Variants in KLHL2 observed in about 807,000 individuals in gnomAD.
KLHL2 encodes kelch-like protein 2.
A neutral mutation model predicts 75.8 loss-of-function variants in KLHL2; 15 were observed. The observed-to-expected ratio is 0.20, with a 90% CI of 0.13 to 0.30. The LOEUF (loss-of-function observed/expected upper bound fraction) is 0.30, where lower values mean the gene tolerates loss of function less well. KLHL2 is among the 10% of genes least tolerant of loss of function. The probability of loss-of-function intolerance (pLI) is 1.00; values close to 1 mark genes in which losing one functional copy is unlikely to be tolerated. For synonymous variants in KLHL2, 214 were observed against 251.9 expected, an observed-to-expected ratio of 0.85 and a Z score of 1.42; for missense variants, 381 against 741.0, an observed-to-expected ratio of 0.51 and a Z score of 5.64.
intron 8 of KLHL2, among the ~76,000 whole-genome samples, chr4:165,300,231 T>A (rs182516733): frequency 1.0e-3 from 154 of 150,528 alleles, no homozygotes; most frequent in African/African-American, 3.6e-3. Context: ...GAGGTTGCAG[T>A]GAGCTGAGTG....
chr4:165,247,501 A>G (rs1232606599), intron 4 of KLHL2, among the ~76,000 whole-genome samples: 3 of 152,158 alleles, frequency 2.0e-5, no homozygotes, highest in South Asian at 2.1e-4. Flanking sequence ...TAGAAAAGCG[A>G]AAGTTGATGT....
chr4:165,224,039 C>G (rs138811447), intron 2 of KLHL2: 1 of 353,460 alleles, frequency 2.8e-6, no homozygotes, highest in Admixed American at 3.6e-5. Flanking sequence ...CTCAGCCTCC[C>G]GAGTAGCTGG....
intron 4 of KLHL2, among the ~76,000 whole-genome samples, chr4:165,256,731 A>G (rs1244305059): frequency 1.3e-5 from 2 of 152,252 alleles, no homozygotes; most frequent in Non-Finnish European, 2.9e-5. Context: ...CACTTAACAA[A>G]TACATAAAAT....
At chr4:165,316,387 C>CT (rs1170014628) in intron 13 of KLHL2, among the ~76,000 whole-genome samples, 1 of 152,140 alleles carries the variant, frequency 6.6e-6, no homozygotes. Context: ...ACACATGTAA[C>CT]TACTGTGTGG....
At chr4:165,267,853 T>C (rs533903862) in intron 5 of KLHL2, among the ~76,000 whole-genome samples, 1 of 152,330 alleles carries the variant, frequency 6.6e-6, no homozygotes, top group South Asian at 2.1e-4. Flanking sequence ...ATTCCCTCTT[T>C]TTATATTGAT....
intron 9 of KLHL2, among the ~76,000 whole-genome samples, chr4:165,306,087 G>T (rs1292257984): frequency 6.6e-6 from 1 of 152,168 alleles, no homozygotes; most frequent in Non-Finnish European, 1.5e-5. Flanking sequence ...CAGTTATAAG[G>T]CATAATTGCC....
At chr4:165,315,403 G>A (rs576265034) in intron 13 of KLHL2, among the ~76,000 whole-genome samples, 8 of 152,130 alleles carry the variant, frequency 5.3e-5, no homozygotes, top group Non-Finnish European at 8.8e-5. Context: ...GGAAAAAGAC[G>A]TAAGTCTCTG....
At chr4:165,241,900 G>C (rs116013616) in intron 4 of KLHL2, among the ~76,000 whole-genome samples, 11,395 of 152,132 alleles carry the variant, frequency 0.075, 496 homozygotes, top group Middle Eastern at 0.13. Flanking sequence ...CTCCAAAGAA[G>C]GGACTATTGT....
intron 1 of KLHL2, chr4:165,208,316 C>T (rs1217088399): frequency 6.4e-6 from 1 of 155,306 alleles, no homozygotes; most frequent in African/African-American, 2.4e-5. Flanking sequence ...CAGTCACCCG[C>T]TGTCTAAATG....
At chr4:165,242,613 C>T (rs1438554064) in intron 4 of KLHL2, among the ~76,000 whole-genome samples, 1 of 152,136 alleles carries the variant, frequency 6.6e-6, no homozygotes. Flanking sequence ...TCTCCCACCT[C>T]AGCCTTCCAA....
intron 13 of KLHL2, among the ~76,000 whole-genome samples, chr4:165,314,992 T>G (rs1404310876): frequency 6.6e-6 from 1 of 152,160 alleles, no homozygotes; most frequent in South Asian, 2.1e-4. Flanking sequence ...AGACTAAGTA[T>G]GTGGAACTGC....
At chr4:165,253,166 T>C (rs1740880258) in intron 4 of KLHL2, among the ~76,000 whole-genome samples, 1 of 152,120 alleles carries the variant, frequency 6.6e-6, no homozygotes, top group South Asian at 2.1e-4. Context: ...TCCTGAGTAG[T>C]TGGGATTACA....
intron 4 of KLHL2, among the ~76,000 whole-genome samples, chr4:165,259,571 C>T (rs141760765): frequency 0.012 from 1,793 of 152,320 alleles, 31 homozygotes; most frequent in African/African-American, 0.039. Flanking sequence ...CCTCTGTATT[C>T]GCTTGTGTAT....
chr4:165,264,704 G>GTGTGTGTATATATATATATACATATATA (rs1323043527), intron 5 of KLHL2, among the ~76,000 whole-genome samples: 2 of 82,846 alleles, frequency 2.4e-5, no homozygotes, highest in Non-Finnish European at 4.4e-5. Context: ...GTGTGTGTGT[G>GTGTGTGTATATATATATATACATATATA]TATATATATA....
At chr4:165,272,203 A>G (rs1742748269) in intron 5 of KLHL2, among the ~76,000 whole-genome samples, 3 of 152,178 alleles carry the variant, frequency 2.0e-5, no homozygotes, top group Admixed American at 2.0e-4. Flanking sequence ...TCTGAGTTCT[A>G]GGAAGCCGAT....
At chr4:165,225,463 T>G (rs1261322270) in intron 2 of KLHL2, among the ~76,000 whole-genome samples, 1 of 152,210 alleles carries the variant, frequency 6.6e-6, no homozygotes. Flanking sequence ...AACAACTTAT[T>G]TATACCATTA....
chr4:165,225,414 C>G (rs1738353243), intron 2 of KLHL2, among the ~76,000 whole-genome samples: 1 of 152,134 alleles, frequency 6.6e-6, no homozygotes, highest in Non-Finnish European at 1.5e-5. Context: ...CTCACACAGT[C>G]CTTGATAAGT....
At chr4:165,278,525 G>C in intron 5 of KLHL2, 1 of 1,609,230 alleles carries the variant, frequency 6.2e-7, no homozygotes, top group Admixed American at 1.7e-5. Flanking sequence ...TCTTGCGCTG[G>C]GCTCCCAATA....
At chr4:165,312,744 T>C (rs1201560576) in intron 11 of KLHL2, among the ~76,000 whole-genome samples, 1 of 152,252 alleles carries the variant, frequency 6.6e-6, no homozygotes, top group Non-Finnish European at 1.5e-5. Flanking sequence ...ATGTGATCTT[T>C]GGTGACTCAC....
Sources: gnomAD v4.1 joint callset for allele counts (sites outside exome capture counted in the v4.1 genomes callset) on GRCh38, gnomAD v4.1.1 for gene constraint, MANE v1.5 for transcripts, NCBI Gene and HGNC (gene_info 2026-07-23, HGNC 2026-07-21) for gene names.